The following IRAK2 variants were observed in gnomAD, a reference collection of about 807,000 sequenced individuals.
IRAK2 encodes interleukin-1 receptor-associated kinase-like 2.
A neutral mutation model predicts 72.0 loss-of-function variants in IRAK2; 57 were observed. That is an observed-to-expected ratio of 0.79 (90% confidence interval 0.64 to 0.99). IRAK2 has a LOEUF of 0.99. Among genes scored for constraint, IRAK2 ranks in the 50% least tolerant of loss-of-function variants. The pLI, the probability that IRAK2 is intolerant of heterozygous loss-of-function variation, is 0.00. For synonymous variants in IRAK2, 293 were observed against 312.7 expected, an observed-to-expected ratio of 0.94 and a Z score of 0.67; for missense variants, 790 against 794.4, an observed-to-expected ratio of 0.99 and a Z score of 0.07.
chr3:10,171,476 A>G (rs1378047613), intron 1 of IRAK2, among the ~76,000 whole-genome samples: 1 of 152,120 alleles, frequency 6.6e-6, no homozygotes, highest in Admixed American at 6.6e-5. Flanking sequence ...TCATTTCAGG[A>G]GGCTGTGCCA....
rs34423993 is a variant in IRAK2, at chr3:10,236,342, G to GTTTTTTTTT, written c.1473+1700_1473+1708dup. ...TAAGGATTTTTGCAGAGCCACTAAG[G>GTTTTTTTTT]TTTTTTTTTTTTTTTTTTTTTTTTT... On this transcript the variant is annotated intron_variant, in intron 11 of 12. Transcript: ENST00000256458. Among the ~76,000 whole-genome samples, 108 of 99,656 alleles carry GTTTTTTTTT rather than the reference G, an allele frequency of 1.1e-3. 1 individual carries two copies. The highest frequency in any genetic ancestry group is 3.9e-3 in the African/African-American group (105 of 27,004). 65.4% of individuals were successfully genotyped at this position (99,656 alleles called of 152,430 possible). A position where few individuals can be genotyped will look rare whatever the true frequency, so the allele number is the denominator to read the frequency against.
In IRAK2 at chr3:10,177,942, C is replaced by G. The variant is rs753744558; in HGVS notation, c.199C>G (p.Arg67Gly). Residue 67 changes from arginine to glycine, a missense_variant, in exon 2 of 13, where the codon CGG (arginine) becomes GGG (glycine). Arg to Gly is a moderately radical substitution (Grantham distance 125, BLOSUM62 -2). Coordinates refer to ENST00000256458, the MANE Select transcript of IRAK2 (RefSeq NM_001570.4). ...TRELLWWWGM[R>G]QATVQQLVDL... ...GGAGCTGCTGTGGTGGTGGGGCATG[C>G]GGCAGGCCACCGTCCAGCAACTTGT... is the stretch of plus-strand genomic sequence containing the variant. 21 of 1,613,532 alleles carry G rather than the reference C, an allele frequency of 1.3e-5. No homozygotes were observed. The highest frequency in any genetic ancestry group is 1.8e-5 in the Non-Finnish European group (21 of 1,179,994).
chr3:10,185,766 C>T (rs1393744920), intron 2 of IRAK2, among the ~76,000 whole-genome samples: 1 of 151,364 alleles, frequency 6.6e-6, no homozygotes, highest in Admixed American at 6.6e-5. Context: ...ATCTCAGCTA[C>T]TTGGGAGGCT....
rs190865547 is a variant in IRAK2, at chr3:10,206,936, C to A, written c.425-2653C>A. On this transcript the variant is annotated intron_variant, in intron 3 of 12. Coordinates refer to ENST00000256458, the MANE Select transcript of IRAK2 (RefSeq NM_001570.4). Reference sequence around the variant, plus strand: ...GTGGCACAGCTCAGCTCACGGCAACCTTTGCCTCCCTGGTTCAAGCAATTC... The same window carrying A: ...GTGGCACAGCTCAGCTCACGGCAACATTTGCCTCCCTGGTTCAAGCAATTC... 1.7e-3 allele frequency among the ~76,000 whole-genome samples: 259 copies of A among 150,754 alleles called. 5 individuals are homozygous for A. The South Asian group carries it at 0.043, about 25-fold the overall frequency.
At chr3:10,191,653 C>T (rs1296331590) in intron 2 of IRAK2, among the ~76,000 whole-genome samples, 1 of 152,172 alleles carries the variant, frequency 6.6e-6, no homozygotes, top group African/African-American at 2.4e-5. Context: ...TCCCTACATT[C>T]TTCCATGCTA....
At chr3:10,192,090 T>C (rs1291362593) in intron 2 of IRAK2, among the ~76,000 whole-genome samples, 3 of 151,358 alleles carry the variant, frequency 2.0e-5, no homozygotes, top group Non-Finnish European at 2.9e-5. Context: ...GTGTATGGCC[T>C]GGAGGGCCAA....
In IRAK2 at chr3:10,200,441, C is replaced by T; in HGVS notation, c.350C>T (p.Ala117Val). The change falls in exon 3 of 13, where the codon GCA becomes GTA. Residue 117 changes from alanine (A) to valine (V), a missense_variant. Ala to Val is a moderately conservative substitution (Grantham distance 64). Coordinates refer to ENST00000256458, the MANE Select transcript of IRAK2 (RefSeq NM_001570.4). ...PDSVKPEKPL[A>V]ASVRKAEDEQ... ...TCTGTGAAGCCAGAAAAGCCTTTGG[C>T]AGCTTCTGTAAGAAAGGCTGAGGAT... 6.2e-7 allele frequency: 1 copy of T among 1,608,706 alleles called. No homozygotes were observed. The highest frequency in any genetic ancestry group is 1.7e-5 in the Admixed American group (1 of 59,930).
At position 10,234,518 on chromosome 3, in the gene IRAK2, G is replaced by C. The variant is rs1236190433; in HGVS notation, c.1332G>C (p.Thr444=). The change falls in exon 11 of 13, where the codon ACG becomes ACC. Residue 444 remains threonine (T), a synonymous_variant. Coordinates refer to ENST00000256458, the MANE Select transcript of IRAK2 (RefSeq NM_001570.4). ...CCGCCTCGCTCTGCTCCAGGAAGAC[G>C]GGCGTGGAGAACGTGATGGCAAAGG... ...SSTASLCSRK[T]GVENVMAKEI... The C allele has an allele frequency of 6.2e-7, 1 of 1,614,144 alleles. No individual in the cohort carries two copies.
At chr3:10,180,583 G>A (rs968440040) in intron 2 of IRAK2, among the ~76,000 whole-genome samples, 3 of 152,070 alleles carry the variant, frequency 2.0e-5, no homozygotes, top group Non-Finnish European at 2.9e-5. Flanking sequence ...CAGACACCTG[G>A]GGAGGAGCTG....
chr3:10,236,858 T>C (rs951120142), intron 11 of IRAK2, among the ~76,000 whole-genome samples: 2 of 152,238 alleles, frequency 1.3e-5, no homozygotes, highest in African/African-American at 4.8e-5. Flanking sequence ...GTTTATTCTC[T>C]TTAGTGTAAC....
intron 10 of IRAK2, among the ~76,000 whole-genome samples, chr3:10,226,752 T>C (rs1263052822): frequency 6.6e-6 from 1 of 151,460 alleles, no homozygotes; most frequent in Non-Finnish European, 1.5e-5. Flanking sequence ...ACCCTGTCTC[T>C]ATTAAAAAAA....
intron 9 of IRAK2, among the ~76,000 whole-genome samples, chr3:10,223,410 A>G (rs1031237030): frequency 1.3e-5 from 2 of 152,206 alleles, no homozygotes; most frequent in African/African-American, 4.8e-5. Flanking sequence ...TGTAACAAAA[A>G]CACAGTCCCT....
intron 2 of IRAK2, among the ~76,000 whole-genome samples, chr3:10,181,617 C>A (rs181979087): frequency 4.4e-4 from 67 of 152,098 alleles, no homozygotes; most frequent in African/African-American, 1.6e-3. Flanking sequence ...ATAACCCTGA[C>A]AAATAGAACT....
rs1003192125 is a variant in IRAK2, at chr3:10,218,161, C to T, written c.903+1113C>T. ...TGATGAGGCTGGGCACAGTGGCTCA[C>T]GCCTGTAATCCCAGTACATTGGGAA... On this transcript the variant is annotated intron_variant, in intron 7 of 12. Transcript: ENST00000256458. Among the ~76,000 whole-genome samples the T allele has an allele frequency of 3.9e-5, 6 of 152,218 alleles. No homozygotes were observed. The East Asian group carries it at 9.6e-4, about 24-fold the overall frequency.
chr3:10,203,972 C>T (rs903654587), intron 3 of IRAK2, among the ~76,000 whole-genome samples: 6 of 152,182 alleles, frequency 3.9e-5, no homozygotes, highest in South Asian at 2.1e-4. Context: ...ATGAGCACCT[C>T]GGCAAAGCAG....
chr3:10,220,982 G>C (rs113085498), intron 8 of IRAK2, among the ~76,000 whole-genome samples: 1 of 151,822 alleles, frequency 6.6e-6, no homozygotes, highest in African/African-American at 2.4e-5. Flanking sequence ...ATTGTATACC[G>C]TCATGTTTTT....
rs561901070 is a variant in IRAK2 at position 10,188,183 on chromosome 3, C to A, written c.277+10163C>A. On this transcript the variant is annotated intron_variant, in intron 2 of 12. Coordinates refer to ENST00000256458, the MANE Select transcript of IRAK2 (RefSeq NM_001570.4). ...ACCAAAGGCTGGGTTAGGTGCTGAG[C>A]CTGTAGATGGTGGGGAGCAGATGGC... Among the ~76,000 whole-genome samples the A allele has an allele frequency of 1.6e-4, 25 of 152,184 alleles. No homozygotes were observed. The South Asian group carries it at 2.5e-3, about 15-fold the overall frequency.
chr3:10,167,471 G>C (rs1038840688), intron 1 of IRAK2, among the ~76,000 whole-genome samples: 2 of 151,444 alleles, frequency 1.3e-5, no homozygotes, highest in Non-Finnish European at 2.9e-5. Context: ...CTGGAGTGCA[G>C]TGGCGCAATC....
intron 2 of IRAK2, among the ~76,000 whole-genome samples, chr3:10,193,589 C>T (rs1003677309): frequency 7.9e-5 from 12 of 152,188 alleles, no homozygotes; most frequent in African/African-American, 2.7e-4. Context: ...CACCAGTGCA[C>T]TCTAGCCTGG....
Sources: allele counts gnomAD v4.1 joint callset (sites outside exome capture counted in the v4.1 genomes callset), GRCh38; gene constraint gnomAD v4.1.1; transcripts MANE v1.5; gene names NCBI Gene and HGNC (gene_info 2026-07-23, HGNC 2026-07-21).